CAST: variants seen among roughly 807,000 people sequenced by gnomAD.
CAST encodes the protein MIR583 host.
In CAST, 76 loss-of-function variants were observed where a neutral mutation model predicts 119.6. The ratio of observed to expected loss-of-function variants is 0.64; its 90% CI spans 0.53 to 0.77. The LOEUF (loss-of-function observed/expected upper bound fraction) is 0.77, where lower values mean the gene tolerates loss of function less well. Ranked by LOEUF, CAST falls within the 30% of genes least tolerant of loss-of-function variation. CAST has a pLI of 0.00. For synonymous variants in CAST, 319 were observed against 331.6 expected (o/e 0.96, Z 0.41); for missense variants, 953 against 946.5 (o/e 1.01, Z -0.09).
intron 10 of CAST, 42 bp from the exon 11 acceptor site, chr5:96,737,807 G>T: frequency 8.7e-7 from 1 of 1,143,758 alleles, no homozygotes; most frequent in Non-Finnish European, 1.3e-6. Context: ...GGTGAAATAT[G>T]TATAACAAAT....
intron 11 of CAST, among the ~76,000 whole-genome samples, chr5:96,739,663 T>G (rs974025306): frequency 2.0e-5 from 3 of 152,248 alleles, no homozygotes; most frequent in Non-Finnish European, 4.4e-5. Flanking sequence ...TCTATGATTT[T>G]GTTTTCTTAG....
chr5:96,233,073 T>C, the CAST span, among the ~76,000 whole-genome samples: 43,701 of 151,966 alleles, frequency 0.29, 7,187 homozygotes, highest in Admixed American at 0.42. Context: ...GTTATTACTA[T>C]TTGACAGTTA....
intron 1 of CAST, among the ~76,000 whole-genome samples, chr5:96,653,794 A>G (rs1748122885): frequency 6.6e-6 from 1 of 152,154 alleles, no homozygotes; most frequent in African/African-American, 2.4e-5. Flanking sequence ...ATCTTTAAGT[A>G]TTTGAAAGAC....
the CAST span, among the ~76,000 whole-genome samples, chr5:96,469,857 A>ATG: frequency 9.1e-3 from 1,040 of 114,644 alleles, 13 homozygotes; most frequent in African/African-American, 0.028. Context: ...ATATATATAT[A>ATG]TGTGTGTGTA....
the CAST span, among the ~76,000 whole-genome samples, chr5:96,377,553 T>A: frequency 6.6e-6 from 1 of 152,314 alleles, no homozygotes; most frequent in East Asian, 1.9e-4. Context: ...TCTACAACTT[T>A]GTAGCCTAGG....
intron 1 of CAST, among the ~76,000 whole-genome samples, chr5:96,542,490 T>G (rs1031574955): frequency 1.6e-4 from 25 of 152,246 alleles, no homozygotes; most frequent in Admixed American, 1.3e-3. Context: ...GGGTGTGTAG[T>G]GGTATCTAAT....
At chr5:96,441,578 A>C in the CAST span, among the ~76,000 whole-genome samples, 1 of 152,150 alleles carries the variant, frequency 6.6e-6, no homozygotes, top group South Asian at 2.1e-4. Flanking sequence ...GGCTCTGGGA[A>C]GACTAGAAAG....
the CAST span, among the ~76,000 whole-genome samples, chr5:96,481,485 G>C: frequency 6.6e-6 from 1 of 152,128 alleles, no homozygotes; most frequent in Non-Finnish European, 1.5e-5. Flanking sequence ...ATTGTTGCTT[G>C]CTTGTGGCCC....
chr5:96,038,090 C>T, the CAST span, among the ~76,000 whole-genome samples: 1,209 of 152,212 alleles, frequency 7.9e-3, 19 homozygotes, highest in African/African-American at 0.028. Flanking sequence ...CTTTGAAGGT[C>T]ATGCATCCTC....
the CAST span, among the ~76,000 whole-genome samples, chr5:96,387,674 C>T: frequency 6.6e-6 from 1 of 152,146 alleles, no homozygotes; most frequent in Non-Finnish European, 1.5e-5. Context: ...TGACTATGAA[C>T]TGGAAATTAT....
chr5:96,249,925 G>T, the CAST span, among the ~76,000 whole-genome samples: 1 of 152,252 alleles, frequency 6.6e-6, no homozygotes, highest in Non-Finnish European at 1.5e-5. Context: ...ACCTACCCAT[G>T]AGAAGCCGGA....
chr5:96,445,694 T>A, the CAST span, among the ~76,000 whole-genome samples: 3 of 152,166 alleles, frequency 2.0e-5, no homozygotes, highest in African/African-American at 7.2e-5. Flanking sequence ...ATTTCCTCAG[T>A]CTTGTGCATT....
the CAST span, among the ~76,000 whole-genome samples, chr5:96,259,792 A>T: frequency 6.6e-6 from 1 of 151,896 alleles, no homozygotes; most frequent in African/African-American, 2.4e-5. Flanking sequence ...ATAAAGATTG[A>T]TGCTATTTCT....
chr5:96,511,719 C>A, the CAST span, among the ~76,000 whole-genome samples: 2 of 152,202 alleles, frequency 1.3e-5, no homozygotes, highest in South Asian at 4.1e-4. Context: ...GATAGTAGCT[C>A]AACACTAGCC....
chr5:96,417,941 T>A, the CAST span, among the ~76,000 whole-genome samples: 1 of 152,226 alleles, frequency 6.6e-6, no homozygotes, highest in Non-Finnish European at 1.5e-5. Context: ...TTTCCATGTA[T>A]ACAGGATGGG....
upstream of CAST, among the ~76,000 whole-genome samples, chr5:96,524,922 C>T (rs912612014): frequency 6.6e-6 from 1 of 152,196 alleles, no homozygotes; most frequent in Non-Finnish European, 1.5e-5. Flanking sequence ...GTGAAATGTT[C>T]TTGCCTAGCT....
chr5:96,619,204 C>T (rs1387124102), intron 1 of CAST, among the ~76,000 whole-genome samples: 1 of 151,364 alleles, frequency 6.6e-6, no homozygotes, highest in Admixed American at 6.6e-5. Context: ...CTGTATCTAC[C>T]TAAGGGTTTG....
chr5:96,309,433 G>C, the CAST span, among the ~76,000 whole-genome samples: 1 of 152,212 alleles, frequency 6.6e-6, no homozygotes, highest in Non-Finnish European at 1.5e-5. Context: ...TGGCTCCCTG[G>C]CTTCAGCCCT....
At chr5:96,240,773 A>C in the CAST span, among the ~76,000 whole-genome samples, 7 of 143,966 alleles carry the variant, frequency 4.9e-5, no homozygotes, top group Admixed American at 4.9e-4. Context: ...CAGTGAGTTA[A>C]CTCTAGGAAT....
Sources: gnomAD v4.1 joint callset for allele counts (sites outside exome capture counted in the v4.1 genomes callset) on GRCh38, gnomAD v4.1.1 for gene constraint, MANE v1.5 for transcripts, NCBI Gene and HGNC (gene_info 2026-07-23, HGNC 2026-07-21) for gene names.